Variants in ADGRE3 observed in about 807,000 individuals in gnomAD.
ADGRE3 encodes the protein EGF-like module receptor 3.
ADGRE3 carries 88 observed loss-of-function variants against 80.1 expected under a neutral mutation model. The observed-to-expected ratio is 1.10, with a 90% CI of 0.93 to 1.31. ADGRE3 has a LOEUF of 1.31. Among genes scored for constraint, ADGRE3 ranks in the 40% most tolerant of loss-of-function variants. The pLI, the probability that ADGRE3 is intolerant of heterozygous loss-of-function variation, is 0.00. For missense variants in ADGRE3, 715 were observed against 776.5 expected (o/e 0.92, Z 0.94); for synonymous variants, 281 against 294.8 (o/e 0.95, Z 0.48).
At chr19:14,644,299 C>T in intron 8 of ADGRE3, 24 bp from the exon 9 acceptor site, 1 of 1,444,154 alleles carries the variant, frequency 6.9e-7, no homozygotes, top group Non-Finnish European at 9.2e-7. Flanking sequence ...ATAGAAAGGG[C>T]TCATTGTCTT....
At chr19:14,669,509 GAC>G (rs1972195710) in intron 1 of ADGRE3, among the ~76,000 whole-genome samples, 1 of 151,790 alleles carries the variant, frequency 6.6e-6, no homozygotes, top group Admixed American at 6.6e-5. Context: ...CTTTTTTTGA[GAC>G]AGAGTCTCTT....
At chr19:14,660,937 C>CTTTTTTTT (rs35730102) in intron 4 of ADGRE3, among the ~76,000 whole-genome samples, 1 of 83,510 alleles carries the variant, frequency 1.2e-5, no homozygotes, top group Non-Finnish European at 2.2e-5. Context: ...GTCATATTTC[C>CTTTTTTTT]TTTTTTTTTT....
Position 14,651,216 on chromosome 19 carries a change from A to G in ADGRE3, c.578-12T>C. On this transcript the variant is annotated splice_polypyrimidine_tract_variant and intron_variant, in intron 6 of 15. Coordinates refer to ENST00000253673, the MANE Select transcript of ADGRE3 (RefSeq NM_032571.5). ...TTGAGTTTCAATAGCTGGTAAGAAA[A>G]GCAATGGGCAGGCTTAGTGATATTG... is the stretch of plus-strand genomic sequence containing the variant. 6.2e-7 allele frequency: 1 copy of G among 1,614,026 alleles called. No individual in the cohort carries two copies. The highest frequency in any genetic ancestry group is 8.5e-7 in the Non-Finnish European group (1 of 1,179,908).
chr19:14,674,218 C>T (rs376044151), intron 1 of ADGRE3, among the ~76,000 whole-genome samples: 32 of 151,914 alleles, frequency 2.1e-4, no homozygotes, highest in Admixed American at 9.8e-4. Context: ...TATTAGAGAC[C>T]GGGTGCGGTG....
chr19:14,674,597 G>T (rs889212870), intron 1 of ADGRE3, 149 bp downstream of exon 1: 4 of 670,550 alleles, frequency 6.0e-6, no homozygotes, highest in Middle Eastern at 6.0e-4. Context: ...TTTGAATAGG[G>T]TAGTCAGGAA....
chr19:14,649,092 A>C (rs1444067991), intron 7 of ADGRE3, among the ~76,000 whole-genome samples: 25 of 116,036 alleles, frequency 2.2e-4, no homozygotes, highest in Non-Finnish European at 2.6e-4. Flanking sequence ...CTCTCTTTCC[A>C]TCTTTCTCCC....
rs1970709107 is a variant in ADGRE3, at chr19:14,625,361, G to A, written c.1920+131C>T. 3.0e-6 allele frequency: 2 copies of A among 656,088 alleles called. 1 individual carries two copies. The allele number at this position is 656,088 out of a possible 1,614,324, so 40.6% of individuals were successfully genotyped here. ...ACACGTTTACCTATGTAACAAACCTGCACATGTAACCTCAGAACTTAAAAA... is the reference window on the plus strand; with the variant it reads ...ACACGTTTACCTATGTAACAAACCTACACATGTAACCTCAGAACTTAAAAA... On this transcript the variant is annotated intron_variant, in intron 15 of 15. Transcript: ENST00000253673.
chr19:14,670,563 C>T (rs1355398308), intron 1 of ADGRE3, among the ~76,000 whole-genome samples: 5 of 152,194 alleles, frequency 3.3e-5, no homozygotes, highest in Non-Finnish European at 1.5e-5. Context: ...TCTATTGTGG[C>T]TGGTAAAGAG....
At position 14,638,185 on chromosome 19, in the gene ADGRE3, G is replaced by C; in HGVS notation, c.1404C>G (p.Phe468Leu). ...SINRLMKWIMFPVGYGVPAVT... is the reference protein window; with the variant it reads ...SINRLMKWIMLPVGYGVPAVT... ...CAGCGGGAACGCCATAGCCGACTGG[G>C]AACATGATCCACTTCATGAGTCTAT... The change falls in exon 11 of 16, where the codon TTC (phenylalanine) becomes TTG (leucine). Residue 468 changes from phenylalanine to leucine, a missense_variant. Transcript: ENST00000253673. The C allele has an allele frequency of 6.2e-7, 1 of 1,614,134 alleles. No individual in the cohort carries two copies. Among genetic ancestry groups the C allele is most frequent in the Non-Finnish European group, 8.5e-7 (1 of 1,180,024 alleles).
intron 6 of ADGRE3, among the ~76,000 whole-genome samples, chr19:14,652,504 G>A (rs1013785713): frequency 9.9e-5 from 15 of 151,916 alleles, no homozygotes; most frequent in Non-Finnish European, 1.2e-4. Context: ...TTATGGCTGG[G>A]TGCAGTGGCT....
Position 14,638,191 on chromosome 19 carries a change from G to C in ADGRE3, c.1398C>G (p.Ile466Met). The change falls in exon 11 of 16, where the codon ATC becomes ATG. Residue 466 changes from isoleucine to methionine, a missense_variant. Ile to Met is a conservative substitution (Grantham distance 10). Transcript: ENST00000253673. ...GAACGCCATAGCCGACTGGGAACAT[G>C]ATCCACTTCATGAGTCTATTGATGC... ...YSSINRLMKW[I>M]MFPVGYGVPA... 1.9e-6 allele frequency: 3 copies of C among 1,614,126 alleles called. No individual in the cohort carries two copies. The highest frequency in any genetic ancestry group is 2.5e-6 in the Non-Finnish European group (3 of 1,180,014).
chr19:14,617,218 CCTT>C (rs2146780967), downstream of ADGRE3, among the ~76,000 whole-genome samples: 1 of 139,842 alleles, frequency 7.2e-6, no homozygotes, highest in South Asian at 2.3e-4. Flanking sequence ...TCTTTTCCTT[CCTT>C]CTTTTCTTTT....
intron 6 of ADGRE3, among the ~76,000 whole-genome samples, chr19:14,651,612 T>G (rs984534245): frequency 1.3e-5 from 2 of 152,192 alleles, no homozygotes; most frequent in African/African-American, 4.8e-5. Flanking sequence ...CAGTTCTATT[T>G]CTAGGAGTTT....
chr19:14,674,042 A>C (rs1160413587), intron 1 of ADGRE3, among the ~76,000 whole-genome samples: 1 of 152,174 alleles, frequency 6.6e-6, no homozygotes, highest in Non-Finnish European at 1.5e-5. Context: ...ATTAATAATA[A>C]AATTATCATT....
intron 2 of ADGRE3, among the ~76,000 whole-genome samples, chr19:14,664,362 G>A (rs1177012843): frequency 1.3e-5 from 2 of 152,022 alleles, no homozygotes; most frequent in Non-Finnish European, 2.9e-5. Context: ...GCTTGAATCC[G>A]GGAGGTGGAG....
chr19:14,625,305 T>C (rs1479064119), intron 15 of ADGRE3, among the ~76,000 whole-genome samples, 187 bp downstream of exon 15: 6 of 152,100 alleles, frequency 3.9e-5, no homozygotes, highest in African/African-American at 1.4e-4. Context: ...ACCTAGGTAA[T>C]GGGTTGATAG....
rs552004546 is a variant in ADGRE3, at chr19:14,625,388, C to CA, written c.1920+103dup. On this transcript the variant is annotated intron_variant, in intron 15 of 15. Coordinates refer to ENST00000253673, the MANE Select transcript of ADGRE3 (RefSeq NM_032571.5). ...ACATGTAACCTCAGAACTTAAAAAACAAAAACAAAAACAAACAAACAAAAA... is the reference window on the plus strand; with the variant it reads ...ACATGTAACCTCAGAACTTAAAAAACAAAAAACAAAAACAAACAAACAAAAA... 6.4e-4 allele frequency: 513 copies of CA among 799,290 alleles called. 2 individuals are homozygous for CA. The highest frequency in any genetic ancestry group is 1.0e-3 in the South Asian group (64 of 62,580). The allele number at this position is 799,290 out of a possible 1,614,324, so 49.5% of individuals were successfully genotyped here.
intron 2 of ADGRE3, among the ~76,000 whole-genome samples, chr19:14,668,396 TAGAG>T (rs958436858): frequency 6.6e-6 from 1 of 152,040 alleles, no homozygotes; most frequent in African/African-American, 2.4e-5. Context: ...CTTGTGAATC[TAGAG>T]AGAGAGTCCC....
chr19:14,662,003 C>G lies in ADGRE3; in HGVS notation c.315G>C (p.Gly105=), dbSNP rs1176225961. ...QCVPGYRLHS[G]NEQFSNSNEN... Reference sequence around the variant, plus strand: ...CATTGGAATTACTGAATTGTTCATTCCCAGAATGCAGTCTATATCCTGGGA... The same window carrying G: ...CATTGGAATTACTGAATTGTTCATTGCCAGAATGCAGTCTATATCCTGGGA... Residue 105 remains glycine (G), a synonymous_variant, in exon 4 of 16, where the codon GGG becomes GGC. Coordinates refer to ENST00000253673, the MANE Select transcript of ADGRE3 (RefSeq NM_032571.5). 1 of 1,614,170 alleles carries G rather than the reference C, an allele frequency of 6.2e-7. No individual in the cohort carries two copies. Among genetic ancestry groups the G allele is most frequent in the South Asian group, 1.1e-5 (1 of 91,082 alleles).
Sources: gnomAD v4.1 joint callset for allele counts (sites outside exome capture counted in the v4.1 genomes callset) on GRCh38, gnomAD v4.1.1 for gene constraint, MANE v1.5 for transcripts, NCBI Gene and HGNC (gene_info 2026-07-23, HGNC 2026-07-21) for gene names.